Variants in PPHLN1 observed in about 807,000 individuals in gnomAD.
PPHLN1 encodes periphilin 1.
PPHLN1 carries 29 observed loss-of-function variants against 51.3 expected under a neutral mutation model. That is an observed-to-expected ratio of 0.57 (90% CI 0.42 to 0.77). The LOEUF (loss-of-function observed/expected upper bound fraction) is 0.77. PPHLN1 is among the 30% of genes least tolerant of loss of function. The pLI, the probability that PPHLN1 is intolerant of heterozygous loss-of-function variation, is 0.00. For synonymous variants in PPHLN1, 147 were observed against 147.8 expected (o/e 0.99, Z 0.04); for missense variants, 436 against 438.4 (o/e 0.99, Z 0.05).
chr12:42,446,511 ACTCCTG>A (rs1041046857), downstream of PPHLN1: 1 of 1,530,110 alleles, frequency 6.5e-7, no homozygotes, highest in African/African-American at 1.4e-5. Context: ...AAAGACCCCC[ACTCCTG>A]GGGGTCGCTT....
intron 4 of PPHLN1, among the ~76,000 whole-genome samples, chr12:42,371,705 C>A (rs899685664): frequency 6.6e-6 from 1 of 152,132 alleles, no homozygotes; most frequent in Admixed American, 6.5e-5. Context: ...CTGAAATATT[C>A]TGTAAGCATA....
At chr12:42,348,873 A>G (rs1476294235) in intron 2 of PPHLN1, among the ~76,000 whole-genome samples, 2 of 152,102 alleles carry the variant, frequency 1.3e-5, no homozygotes, top group Admixed American at 6.6e-5. Flanking sequence ...TGTGAAAGGT[A>G]GTTTGTAGAA....
At chr12:42,411,510 C>T (rs1454460180) in intron 9 of PPHLN1, among the ~76,000 whole-genome samples, 1 of 151,938 alleles carries the variant, frequency 6.6e-6, no homozygotes, top group Non-Finnish European at 1.5e-5. Flanking sequence ...GAAATGATAA[C>T]AAAAAACAAA....
chr12:42,352,192 T>C (rs1239225505), intron 3 of PPHLN1, 143 bp downstream of exon 3: 2 of 720,672 alleles, frequency 2.8e-6, no homozygotes, highest in Non-Finnish European at 3.9e-6. Flanking sequence ...CTGCTGGAGC[T>C]GTCAGATGGG....
At position 42,370,267 on chromosome 12, in the gene PPHLN1, C is replaced by G. The variant is rs931349186; in HGVS notation, c.300-4596C>G. Among the ~76,000 whole-genome samples, 31 of 152,194 alleles carry G rather than the reference C, an allele frequency of 2.0e-4. 1 individual carries two copies. The highest frequency in any genetic ancestry group is 6.5e-4 in the African/African-American group (27 of 41,446). ...GCCCATGAATTTGCATTTCTATCAC[C>G]TTTCCTGCAAATGCTGAGGCAGGTA... On this transcript the variant is annotated intron_variant, in intron 4 of 9. Transcript: ENST00000358314.
At chr12:42,394,392 A>G (rs151047322) in intron 8 of PPHLN1, among the ~76,000 whole-genome samples, 1 of 152,132 alleles carries the variant, frequency 6.6e-6, no homozygotes, top group Non-Finnish European at 1.5e-5. Context: ...TCCCGTGACA[A>G]ATTATTTTTA....
At chr12:42,427,920 A>C (rs139263209) in intron 9 of PPHLN1, among the ~76,000 whole-genome samples, 121 of 152,328 alleles carry the variant, frequency 7.9e-4, no homozygotes, top group African/African-American at 2.8e-3. Flanking sequence ...CAAGAAAAAA[A>C]ACAATCACAT....
At chr12:42,331,118 G>T (rs1403690238) in intron 1 of PPHLN1, among the ~76,000 whole-genome samples, 1 of 152,218 alleles carries the variant, frequency 6.6e-6, no homozygotes, top group Admixed American at 6.5e-5. Context: ...ATTCTGTGCA[G>T]GGAATTGCCA....
intron 9 of PPHLN1, among the ~76,000 whole-genome samples, chr12:42,409,990 A>G (rs2079661004): frequency 6.6e-6 from 1 of 152,100 alleles, no homozygotes; most frequent in Non-Finnish European, 1.5e-5. Context: ...ATTGTTCTCC[A>G]GAAGTTTCAG....
chr12:42,328,059 A>G (rs1312588041), intron 1 of PPHLN1, among the ~76,000 whole-genome samples: 2 of 152,154 alleles, frequency 1.3e-5, no homozygotes, highest in Non-Finnish European at 2.9e-5. Context: ...CACAAGTCTC[A>G]TATGGCCTAT....
At chr12:42,326,782 G>A (rs2068846628) in intron 1 of PPHLN1, among the ~76,000 whole-genome samples, 1 of 152,070 alleles carries the variant, frequency 6.6e-6, no homozygotes, top group Non-Finnish European at 1.5e-5. Context: ...GCCATAACAT[G>A]CCCACCATTC....
intron 4 of PPHLN1, chr12:42,374,635 TA>T (rs2076089568): frequency 6.6e-6 from 2 of 301,338 alleles, no homozygotes; most frequent in South Asian, 1.0e-4. Context: ...TTTGTATTTT[TA>T]GTAGAGATGG....
chr12:42,329,776 G>C (rs1320862784), intron 1 of PPHLN1: 1 of 152,054 alleles, frequency 6.6e-6, no homozygotes, highest in Non-Finnish European at 1.5e-5. Flanking sequence ...CAGATACCTG[G>C]ATGAAGGGTG....
At chr12:42,365,112 TAGA>T (rs1161340799) in intron 4 of PPHLN1, among the ~76,000 whole-genome samples, 1 of 152,186 alleles carries the variant, frequency 6.6e-6, no homozygotes, top group African/African-American at 2.4e-5. Context: ...TTTGATAGGA[TAGA>T]AGAAGAGGTG....
At chr12:42,327,658 C>G (rs1002591306) in intron 1 of PPHLN1, among the ~76,000 whole-genome samples, 1 of 152,218 alleles carries the variant, frequency 6.6e-6, no homozygotes, top group Non-Finnish European at 1.5e-5. Context: ...CGGCATTTAT[C>G]ACATGTATCT....
At chr12:42,416,007 T>C (rs1280331741) in intron 9 of PPHLN1, among the ~76,000 whole-genome samples, 1 of 152,172 alleles carries the variant, frequency 6.6e-6, no homozygotes, top group Non-Finnish European at 1.5e-5. Flanking sequence ...ACTCTTAAAA[T>C]TCAGGTAGGA....
intron 9 of PPHLN1, among the ~76,000 whole-genome samples, chr12:42,421,354 A>G (rs947670214): frequency 6.6e-6 from 1 of 151,914 alleles, no homozygotes; most frequent in Non-Finnish European, 1.5e-5. Context: ...TGATTGATTG[A>G]TTGATTGATT....
chr12:42,431,884 T>C (rs1327899137), intron 9 of PPHLN1: 1 of 1,592,116 alleles, frequency 6.3e-7, no homozygotes, highest in African/African-American at 1.3e-5. Context: ...AGTCATTCCA[T>C]CCATCAGAAC....
chr12:42,446,061 TGCAGGCCCC>T, downstream of PPHLN1: 2 of 1,549,582 alleles, frequency 1.3e-6, no homozygotes, highest in Admixed American at 2.0e-5. Context: ...GAAACGACCC[TGCAGGCCCC>T]GCAGCCCCCG....
Sources: allele counts gnomAD v4.1 joint callset (sites outside exome capture counted in the v4.1 genomes callset), GRCh38; gene constraint gnomAD v4.1.1; transcripts MANE v1.5; gene names NCBI Gene and HGNC (gene_info 2026-07-23, HGNC 2026-07-21).